Variants in ANKS1B observed in about 807,000 individuals in gnomAD.
ANKS1B encodes the protein ankyrin repeat and sterile alpha motif domain-containing protein 1B.
A neutral mutation model predicts 148.3 loss-of-function variants in ANKS1B; 36 were observed. That is an observed-to-expected ratio of 0.24 (90% CI 0.19 to 0.32). ANKS1B has a LOEUF of 0.32. Among genes scored for constraint, ANKS1B ranks in the 10% least tolerant of loss-of-function variants. The pLI, the probability that ANKS1B is intolerant of heterozygous loss-of-function variation, is 1.00. For missense variants in ANKS1B, 1,157 were observed against 1,542.6 expected (o/e 0.75, Z 4.19); for synonymous variants, 542 against 560.8 (o/e 0.97, Z 0.47).
intron 16 of ANKS1B, among the ~76,000 whole-genome samples, chr12:99,081,269 C>G (rs903842306): frequency 5.3e-5 from 8 of 152,080 alleles, no homozygotes; most frequent in African/African-American, 1.9e-4. Context: ...AGCAAAGCAC[C>G]TTTTCTCTGT....
chr12:99,781,671 A>G (rs1012164375), intron 5 of ANKS1B, among the ~76,000 whole-genome samples: 1 of 152,334 alleles, frequency 6.6e-6, no homozygotes, highest in Non-Finnish European at 1.5e-5. Flanking sequence ...ATGTTCTTCA[A>G]TAAATCAAGC....
chr12:99,653,685 T>C (rs910576058), intron 9 of ANKS1B, among the ~76,000 whole-genome samples: 2 of 148,402 alleles, frequency 1.3e-5, no homozygotes, highest in Admixed American at 6.7e-5. Flanking sequence ...TTTCTTTTTT[T>C]TTTTTTTTTT....
intron 12 of ANKS1B, among the ~76,000 whole-genome samples, chr12:99,332,049 T>C (rs1344171547): frequency 1.3e-5 from 2 of 152,078 alleles, no homozygotes; most frequent in East Asian, 3.9e-4. Context: ...TTCCGTTCTA[T>C]TGAGTTCCTT....
chr12:99,685,008 T>C (rs552532611), intron 8 of ANKS1B, among the ~76,000 whole-genome samples: 253 of 152,240 alleles, frequency 1.7e-3, no homozygotes, highest in African/African-American at 5.8e-3. Flanking sequence ...CTTCCAGAAA[T>C]TGGCTTAGGC....
intron 14 of ANKS1B, among the ~76,000 whole-genome samples, chr12:99,170,032 T>C (rs528669112): frequency 6.6e-6 from 1 of 152,278 alleles, no homozygotes; most frequent in Admixed American, 6.5e-5. Flanking sequence ...CCTTCCCCCC[T>C]TCACCTTACA....
intron 22 of ANKS1B, among the ~76,000 whole-genome samples, chr12:98,789,372 G>A (rs560956484): frequency 4.0e-5 from 6 of 150,898 alleles, no homozygotes; most frequent in African/African-American, 9.7e-5. Flanking sequence ...AAAAAACAAC[G>A]ATAGAGTTAA....
chr12:98,828,833 C>G (rs1372810945), intron 19 of ANKS1B, among the ~76,000 whole-genome samples: 2 of 152,194 alleles, frequency 1.3e-5, no homozygotes, highest in African/African-American at 4.8e-5. Context: ...CATTATCCAA[C>G]CAATTTACAT....
intron 17 of ANKS1B, among the ~76,000 whole-genome samples, chr12:99,039,808 T>A (rs1182504373): frequency 6.6e-6 from 1 of 152,218 alleles, no homozygotes; most frequent in Non-Finnish European, 1.5e-5. Context: ...TCCTCTGCAG[T>A]TTTAATCTTT....
chr12:99,405,951 A>T (rs536078989), intron 11 of ANKS1B, among the ~76,000 whole-genome samples: 1 of 145,972 alleles, frequency 6.9e-6, no homozygotes, highest in Non-Finnish European at 1.5e-5. Context: ...AAATCATTAC[A>T]TAATGATAAA....
chr12:99,409,998 C>G (rs573339588), intron 11 of ANKS1B, among the ~76,000 whole-genome samples: 50 of 152,318 alleles, frequency 3.3e-4, no homozygotes, highest in African/African-American at 1.2e-3. Flanking sequence ...ACCCTACTTT[C>G]CAGAGGACTT....
At chr12:98,785,936 T>G (rs1320881384) in intron 22 of ANKS1B, among the ~76,000 whole-genome samples, 1 of 152,192 alleles carries the variant, frequency 6.6e-6, no homozygotes, top group African/African-American at 2.4e-5. Flanking sequence ...TTTCTTTCGT[T>G]TCTAGTTGCT....
intron 1 of ANKS1B, among the ~76,000 whole-genome samples, chr12:99,888,006 C>A (rs952885108): frequency 6.6e-6 from 1 of 152,200 alleles, no homozygotes; most frequent in Non-Finnish European, 1.5e-5. Context: ...TGAAAAACAG[C>A]ATATCTGCTC....
chr12:99,466,349 A>C (rs1463143437), intron 10 of ANKS1B, among the ~76,000 whole-genome samples: 1 of 152,174 alleles, frequency 6.6e-6, no homozygotes, highest in Non-Finnish European at 1.5e-5. Flanking sequence ...AAGATCCAAA[A>C]TTGACACCCT....
chr12:99,620,557 G>A (rs142823162), intron 9 of ANKS1B, among the ~76,000 whole-genome samples: 12 of 152,200 alleles, frequency 7.9e-5, no homozygotes, highest in Middle Eastern at 3.4e-3. Context: ...TTGGAATTGA[G>A]AAATTTGAAA....
At chr12:99,491,963 G>A (rs563153821) in intron 10 of ANKS1B, among the ~76,000 whole-genome samples, 17 of 152,172 alleles carry the variant, frequency 1.1e-4, no homozygotes, top group Non-Finnish European at 1.9e-4. Flanking sequence ...AATTTAGAAA[G>A]ATCTCAAATT....
intron 17 of ANKS1B, among the ~76,000 whole-genome samples, chr12:98,925,146 A>G (rs974239206): frequency 6.6e-6 from 1 of 152,230 alleles, no homozygotes; most frequent in Non-Finnish European, 1.5e-5. Flanking sequence ...AGCTTTCTGC[A>G]TAAGAACAGG....
chr12:98,738,511 G>A (rs2097784042), intron 9 of ANKS1B, among the ~76,000 whole-genome samples: 2 of 152,132 alleles, frequency 1.3e-5, no homozygotes, highest in Non-Finnish European at 2.9e-5. Context: ...GTTTATCGCC[G>A]CTCCACTCGA....
At chr12:99,494,808 T>C (rs1011405717) in intron 10 of ANKS1B, among the ~76,000 whole-genome samples, 1 of 149,220 alleles carries the variant, frequency 6.7e-6, no homozygotes, top group African/African-American at 2.5e-5. Flanking sequence ...GTCAAATTCC[T>C]GAGGAGGAAA....
At chr12:98,736,137 C>G (rs11831594) in intron 9 of ANKS1B, among the ~76,000 whole-genome samples, 3,229 of 152,236 alleles carry the variant, frequency 0.021, 123 homozygotes, top group African/African-American at 0.074. Flanking sequence ...ACTTTTGACT[C>G]TGGGAGCCAG....
Sources: allele counts gnomAD v4.1 joint callset (sites outside exome capture counted in the v4.1 genomes callset), GRCh38; gene constraint gnomAD v4.1.1; transcripts MANE v1.5; gene names NCBI Gene and HGNC (gene_info 2026-07-23, HGNC 2026-07-21).